Variants in STAC2 observed in about 807,000 individuals in gnomAD.
STAC2 encodes the protein SH3 and cysteine-rich domain-containing protein 2.
STAC2 carries 36 observed loss-of-function variants against 49.0 expected under a neutral mutation model. The observed-to-expected ratio is 0.74, with a 90% CI of 0.56 to 0.97. The LOEUF is 0.97. Among genes scored for constraint, STAC2 ranks in the 50% least tolerant of loss-of-function variants. The pLI is 0.00. For missense variants in STAC2, 527 were observed against 543.8 expected, an observed-to-expected ratio of 0.97 and a Z score of 0.31; for synonymous variants, 239 against 214.7, an observed-to-expected ratio of 1.11 and a Z score of -0.99.
At chr17:39,213,467 G>A (rs2046372746) in intron 9 of STAC2, 40 bp downstream of exon 9, 1 of 1,611,378 alleles carries the variant, frequency 6.2e-7, no homozygotes, top group Non-Finnish European at 8.5e-7. Flanking sequence ...CTGCTGGGGT[G>A]CCTACCAGTG....
rs58343303 is a variant in STAC2, at chr17:39,215,378, T to A, written c.587-148A>T. On this transcript the variant is annotated intron_variant, in intron 4 of 10. Coordinates refer to ENST00000333461, the MANE Select transcript of STAC2 (RefSeq NM_198993.5). ...TCATCCCAGAGATGGCTCTGGGTCC[T>A]CCCATGGTGCCCATGCAGAAACTTG... 7 of 774,880 alleles carry A rather than the reference T, an allele frequency of 9.0e-6. No individual in the cohort carries two copies. In the Admixed American group the frequency reaches 1.7e-4, roughly 18 times the overall value. The allele number at this position is 774,880 out of a possible 1,614,324, so 48.0% of individuals were successfully genotyped here.
intron 3 of STAC2, 37 bp downstream of exon 3, chr17:39,217,039 C>G: frequency 6.2e-7 from 1 of 1,608,946 alleles, no homozygotes; most frequent in Non-Finnish European, 8.5e-7. Flanking sequence ...GTACTGGCAG[C>G]ACTCAGCTGG....
chr17:39,220,751 C>T lies in STAC2; in HGVS notation c.91-2578G>A, dbSNP rs528672688. ...CCTCCCAAAGTGTTGGGATTACAGG[C>T]GTGAGCCACTGCACCCGGCCTATCA... On this transcript the variant is annotated intron_variant, in intron 1 of 10. Coordinates refer to ENST00000333461, the MANE Select transcript of STAC2 (RefSeq NM_198993.5). 7.2e-5 allele frequency among the ~76,000 whole-genome samples: 11 copies of T among 151,814 alleles called. No individual in the cohort carries two copies. In the East Asian group the frequency reaches 7.8e-4, roughly 11 times the overall value.
chr17:39,220,745 T>C (rs1480574632), intron 1 of STAC2, among the ~76,000 whole-genome samples: 1 of 151,992 alleles, frequency 6.6e-6, no homozygotes, highest in East Asian at 1.9e-4. Context: ...GTGTTGGGAT[T>C]ACAGGCGTGA....
intron 1 of STAC2, among the ~76,000 whole-genome samples, chr17:39,220,301 C>T (rs1346383014): frequency 3.3e-5 from 5 of 152,122 alleles, no homozygotes; most frequent in Non-Finnish European, 7.4e-5. Flanking sequence ...TGGATGGGCC[C>T]CAAGAGGCAG....
rs751321157 is a variant in STAC2 at position 39,214,967 on chromosome 17, C to A, written c.756G>T (p.Glu252Asp). The change falls in exon 6 of 11, where the codon GAG becomes GAT. Residue 252 changes from glutamate to aspartate, a missense_variant. By Grantham distance (45) the Glu-to-Asp change is conservative. Transcript: ENST00000333461. ...DGEGSIRSSE[E>D]GPGDSASPVF... ...ACCACTCACCACTGTCACCAGGCCC[C>A]TCCTCAGAGCTGCGGATGCTGCCTT... 4.3e-6 allele frequency: 7 copies of A among 1,614,138 alleles called. No individual in the cohort carries two copies. In the East Asian group the frequency reaches 1.6e-4, roughly 36 times the overall value.
At position 39,214,808 on chromosome 17, in the gene STAC2, TCTC is replaced by T. The variant is rs762409931; in HGVS notation, c.823_825del (p.Glu275del). 4 of 1,613,982 alleles carry T rather than the reference TCTC, an allele frequency of 2.5e-6. No homozygotes were observed. The highest frequency in any genetic ancestry group is 4.5e-5 in the East Asian group (2 of 44,868). On this transcript the variant is annotated inframe_deletion, in exon 7 of 11. Transcript: ENST00000333461. ...AGGCTCACCTGCTGTCCAGGACTCT[TCTC>T]CTCTGGTCCTGGCCCTTCACTCTCT...
rs963156930 is a variant in STAC2 at position 39,213,447 on chromosome 17, G to A, written c.993+60C>T. The A allele has an allele frequency of 1.0e-5, 16 of 1,597,566 alleles. No homozygotes were observed. The Admixed American group carries it at 1.0e-4, about 10-fold the overall frequency. ...GAGAAGGTGGGGGCAGTGCCCATTGGGGGTGGGGGCTGCTGGGGTGCCTAC... is the reference window on the plus strand; with the variant it reads ...GAGAAGGTGGGGGCAGTGCCCATTGAGGGTGGGGGCTGCTGGGGTGCCTAC... On this transcript the variant is annotated intron_variant, in intron 9 of 10. Transcript: ENST00000333461.
rs942939173 is a variant in STAC2 at position 39,214,271 on chromosome 17, G to A, written c.903C>T (p.Tyr301=). The change falls in exon 8 of 11, where the codon TAC becomes TAT. Residue 301 remains tyrosine (Y), a synonymous_variant. Transcript: ENST00000333461. ...CATTGTTCTCCTGGGGCAGAAACTT[G>A]TAGAGTGCAACGTAGGAGTACATGG... ...VGPMYSYVAL[Y]KFLPQENNDL... 2 of 1,613,960 alleles carry A rather than the reference G, an allele frequency of 1.2e-6. No individual in the cohort carries two copies. Among genetic ancestry groups the A allele is most frequent in the Non-Finnish European group, 1.7e-6 (2 of 1,179,980 alleles).
Position 39,225,427 on chromosome 17 carries a change from G to A in STAC2, c.76C>T (p.Leu26Phe). 6.2e-7 allele frequency: 1 copy of A among 1,605,418 alleles called. No homozygotes were observed. The highest frequency in any genetic ancestry group is 8.5e-7 in the Non-Finnish European group (1 of 1,177,398). ...CCCCAAGTTACCTTGGTTTCCTGGAGGGCGGAGACGGTCCCTGGGGGGCTG... is the reference window on the plus strand; with the variant it reads ...CCCCAAGTTACCTTGGTTTCCTGGAAGGCGGAGACGGTCCCTGGGGGGCTG... ...THSPPGTVSALQETKLQRFKR... is the reference protein window; with the variant it reads ...THSPPGTVSAFQETKLQRFKR... Residue 26 changes from leucine (L) to phenylalanine (F), a missense_variant, in exon 1 of 11, where the codon CTC (leucine) becomes TTC (phenylalanine). By Grantham distance (22) the Leu-to-Phe change is conservative. Transcript: ENST00000333461. This position sits in a 1 kb window ranked among gnomAD's most constrained non-coding sequence, Gnocchi z 8.2.
Position 39,224,155 on chromosome 17 carries a change from C to T in STAC2, c.90+1258G>A, listed in dbSNP as rs1285767882. ...GATGACCTTGACCTTGAATTAACCT[C>T]AGCTCCTGCGGGATGGTCAAGATGG... On this transcript the variant is annotated intron_variant, in intron 1 of 10. Coordinates refer to ENST00000333461, the MANE Select transcript of STAC2 (RefSeq NM_198993.5). 2.6e-5 allele frequency among the ~76,000 whole-genome samples: 4 copies of T among 152,304 alleles called. No individual in the cohort carries two copies. In the East Asian group the frequency reaches 7.7e-4, roughly 29 times the overall value.
At chr17:39,222,371 C>T (rs2046471465) in intron 1 of STAC2, among the ~76,000 whole-genome samples, 1 of 152,182 alleles carries the variant, frequency 6.6e-6, no homozygotes, top group Admixed American at 6.5e-5. Context: ...TGGCTGTGGG[C>T]CCCAGATCCC....
intron 1 of STAC2, among the ~76,000 whole-genome samples, chr17:39,218,402 A>T (rs1031750148): frequency 7.9e-5 from 12 of 152,142 alleles, no homozygotes; most frequent in African/African-American, 2.9e-4. Flanking sequence ...CCATGGAGAA[A>T]GGAGTTCTGG....
Position 39,212,106 on chromosome 17 carries a change from G to A in STAC2, c.*186C>T. Reference sequence around the variant, plus strand: ...AAGTCCCAGAGGATCAACCCACTCAGGGCACCCCACCCAAGAAATAAAATC... The same window carrying A: ...AAGTCCCAGAGGATCAACCCACTCAAGGCACCCCACCCAAGAAATAAAATC... On this transcript the variant is annotated 3_prime_UTR_variant, in exon 11 of 11. Coordinates refer to ENST00000333461, the MANE Select transcript of STAC2 (RefSeq NM_198993.5). The A allele has an allele frequency of 5.6e-6, 1 of 178,308 alleles. No individual in the cohort carries two copies. Among genetic ancestry groups the A allele is most frequent in the South Asian group, 6.3e-5 (1 of 15,970 alleles). 11.0% of individuals were successfully genotyped at this position (178,308 alleles called of 1,614,324 possible). A position where few individuals can be genotyped will look rare whatever the true frequency, so the allele number is the denominator to read the frequency against.
chr17:39,212,257 G>A lies in STAC2; in HGVS notation c.*35C>T. The A allele has an allele frequency of 7.2e-6, 11 of 1,523,234 alleles. No individual in the cohort carries two copies. Among genetic ancestry groups the A allele is most frequent in the Middle Eastern group, 1.7e-4 (1 of 5,918 alleles). The allele number at this position is 1,523,234 out of a possible 1,614,324, so 94.4% of individuals were successfully genotyped here. ...CTGGCCAGAAGCAAGGTCCAGGCAT[G>A]GGCAAGGGTGTCATCTGGGTTCCCT... is the stretch of plus-strand genomic sequence containing the variant. On this transcript the variant is annotated 3_prime_UTR_variant, in exon 11 of 11. Transcript: ENST00000333461.
At chr17:39,212,696 T>A (rs1019385236) in intron 10 of STAC2, among the ~76,000 whole-genome samples, 1 of 152,080 alleles carries the variant, frequency 6.6e-6, no homozygotes, top group Non-Finnish European at 1.5e-5. Context: ...TGCCTCAAAT[T>A]ACACAAAAAG....
Position 39,225,196 on chromosome 17 carries a change from C to T in STAC2, c.90+217G>A, listed in dbSNP as rs1051187276. 3.3e-5 allele frequency among the ~76,000 whole-genome samples: 5 copies of T among 152,264 alleles called. No homozygotes were observed. The highest frequency in any genetic ancestry group is 9.6e-5 in the African/African-American group (4 of 41,574). ...CAGTGGCCGCCTCCCCAGAAGGTCG[C>T]GATGGCGCGCGCGGGCGTGCGGTGC... On this transcript the variant is annotated intron_variant, in intron 1 of 10. Coordinates refer to ENST00000333461, the MANE Select transcript of STAC2 (RefSeq NM_198993.5). This position sits in a 1 kb window ranked among gnomAD's most constrained non-coding sequence, Gnocchi z 8.2.
intron 1 of STAC2, 118 bp from the exon 2 acceptor site, chr17:39,218,291 G>A (rs2144245961): frequency 9.6e-7 from 1 of 1,046,356 alleles, no homozygotes; most frequent in Non-Finnish European, 1.4e-6. Context: ...AGCAGCGTGG[G>A]GGCTGAGGGC....
intron 7 of STAC2, chr17:39,214,558 G>T: frequency 2.5e-6 from 2 of 809,816 alleles, no homozygotes; most frequent in Non-Finnish European, 3.0e-6. Flanking sequence ...CCCTGGGGCT[G>T]CCTGCCTTTG....
Sources: gnomAD v4.1 joint callset for allele counts (sites outside exome capture counted in the v4.1 genomes callset) on GRCh38, gnomAD v4.1.1 for gene constraint, Gnocchi (gnomAD v3.1) non-coding constraint, MANE v1.5 for transcripts, NCBI Gene and HGNC (gene_info 2026-07-23, HGNC 2026-07-21) for gene names.